L3MBTL4: variants seen among roughly 807,000 people sequenced by gnomAD.
L3MBTL4 encodes L3MBTL histone methyl-lysine binding protein 4, also known as lethal(3)malignant brain tumor-like protein 4.
Under a neutral mutation model 84.5 loss-of-function variants are expected in L3MBTL4, and 70 were observed. That is an observed-to-expected ratio of 0.83 (90% CI 0.68 to 1.01). The LOEUF (loss-of-function observed/expected upper bound fraction) is 1.01, where lower values mean the gene tolerates loss of function less well. Ranked by LOEUF, L3MBTL4 falls within the 50% of genes least tolerant of loss-of-function variation. L3MBTL4 has a pLI of 0.00. For synonymous variants in L3MBTL4, 274 were observed against 259.8 expected (o/e 1.05, Z -0.52); for missense variants, 715 against 754.8 (o/e 0.95, Z 0.62).
intron 15 of L3MBTL4, among the ~76,000 whole-genome samples, chr18:6,083,126 C>T (rs925903536): frequency 1.3e-5 from 2 of 152,146 alleles, no homozygotes; most frequent in African/African-American, 4.8e-5. Flanking sequence ...CTTTGGACTC[C>T]AAATCCAGGT....
intron 1 of L3MBTL4, among the ~76,000 whole-genome samples, chr18:6,387,294 A>G (rs2054864239): frequency 2.0e-5 from 3 of 152,198 alleles, no homozygotes; most frequent in Admixed American, 1.3e-4. Flanking sequence ...AAATGGTTAG[A>G]TTTGTGTTTC....
intron 16 of L3MBTL4, among the ~76,000 whole-genome samples, chr18:5,980,002 G>C (rs2053131010): frequency 6.6e-6 from 1 of 152,184 alleles, no homozygotes; most frequent in Admixed American, 6.5e-5. Flanking sequence ...CACCTCTCTG[G>C]GAAAACAGGG....
intron 14 of L3MBTL4, among the ~76,000 whole-genome samples, chr18:6,100,413 T>C (rs1380492643): frequency 6.6e-6 from 1 of 152,248 alleles, no homozygotes; most frequent in Non-Finnish European, 1.5e-5. Flanking sequence ...TTCATATTTA[T>C]TAAAATTGCT....
At chr18:6,007,574 G>A (rs1365169123) in intron 16 of L3MBTL4, among the ~76,000 whole-genome samples, 9 of 152,138 alleles carry the variant, frequency 5.9e-5, no homozygotes, top group Non-Finnish European at 1.0e-4. Flanking sequence ...TGTATATTCT[G>A]TTTCATTCTG....
chr18:6,219,023 T>G (rs542465288), intron 10 of L3MBTL4, among the ~76,000 whole-genome samples: 29 of 152,284 alleles, frequency 1.9e-4, no homozygotes, highest in Admixed American at 1.1e-3. Flanking sequence ...CACCTCTAAC[T>G]GGCTTCCATT....
At chr18:6,336,796 A>G (rs553861689) in intron 1 of L3MBTL4, among the ~76,000 whole-genome samples, 195 of 152,378 alleles carry the variant, frequency 1.3e-3, no homozygotes, top group African/African-American at 4.4e-3. Context: ...ATAAAAAATT[A>G]CAGGCGTAGT....
chr18:6,013,282 T>A (rs934291602), intron 16 of L3MBTL4, among the ~76,000 whole-genome samples: 1 of 152,172 alleles, frequency 6.6e-6, no homozygotes, highest in African/African-American at 2.4e-5. Flanking sequence ...AAGGGAAGAC[T>A]CACCCGCTCC....
At chr18:6,275,656 C>T (rs1435915097) in intron 4 of L3MBTL4, among the ~76,000 whole-genome samples, 1 of 152,164 alleles carries the variant, frequency 6.6e-6, no homozygotes, top group Non-Finnish European at 1.5e-5. Context: ...GGTACCTTCA[C>T]ATGTGGCAAA....
intron 13 of L3MBTL4, among the ~76,000 whole-genome samples, chr18:6,156,207 T>A (rs2144913948): frequency 6.6e-6 from 1 of 152,318 alleles, no homozygotes; most frequent in East Asian, 1.9e-4. Context: ...GACTTCTCTG[T>A]GAATATCTTC....
At chr18:6,190,016 C>T (rs544306235) in intron 12 of L3MBTL4, among the ~76,000 whole-genome samples, 1 of 152,170 alleles carries the variant, frequency 6.6e-6, no homozygotes, top group African/African-American at 2.4e-5. Context: ...TATCAACCCA[C>T]ATGTTCAAGA....
intron 16 of L3MBTL4, among the ~76,000 whole-genome samples, chr18:5,988,075 C>T (rs1051250970): frequency 5.3e-5 from 8 of 152,302 alleles, no homozygotes; most frequent in African/African-American, 1.9e-4. Flanking sequence ...TACTTAGGTG[C>T]TTGTCAGATC....
intron 17 of L3MBTL4, among the ~76,000 whole-genome samples, chr18:5,962,824 C>T (rs1242916098): frequency 1.3e-5 from 2 of 152,170 alleles, no homozygotes; most frequent in Non-Finnish European, 2.9e-5. Context: ...AGCCAAGTTC[C>T]TCAACCTCAA....
chr18:6,230,998 G>C (rs1485425434), intron 10 of L3MBTL4, among the ~76,000 whole-genome samples: 1 of 152,000 alleles, frequency 6.6e-6, no homozygotes, highest in Non-Finnish European at 1.5e-5. Context: ...TCAATGCATA[G>C]TTTGCAAATA....
chr18:6,080,930 A>G lies in L3MBTL4; in HGVS notation c.1395T>C (p.Cys465=). The G allele has an allele frequency of 6.2e-7, 1 of 1,607,250 alleles. No homozygotes were observed. Among genetic ancestry groups the G allele is most frequent in the Non-Finnish European group, 8.5e-7 (1 of 1,176,448 alleles). The change falls in exon 16 of 19, where the codon TGT becomes TGC. Residue 465 remains cysteine, a synonymous_variant. Coordinates refer to ENST00000317931, the MANE Select transcript of L3MBTL4 (RefSeq NM_001330559.2). ...TATCTTCTTTTCCTTTGATTTTCAA[A>G]CACTTTGCCTGCTGTACAAGTCTGG... The part of the protein sequence containing the change: ...SQPRLVQQAK[C]LKIKGKEDID...
rs552678507 is a variant in L3MBTL4 at position 6,191,971 on chromosome 18, T to C, written c.982-20029A>G. Reference sequence around the variant, plus strand: ...CACTACTGCACTGCAGCCTGGGTGATAGAGCGAGTATCCCTGTCCCCTCCT... The same window carrying C: ...CACTACTGCACTGCAGCCTGGGTGACAGAGCGAGTATCCCTGTCCCCTCCT... On this transcript the variant is annotated intron_variant, in intron 12 of 18. Coordinates refer to ENST00000317931, the MANE Select transcript of L3MBTL4 (RefSeq NM_001330559.2). 2.8e-5 allele frequency among the ~76,000 whole-genome samples: 4 copies of C among 144,890 alleles called. No individual in the cohort carries two copies. In the South Asian group the frequency reaches 8.7e-4, roughly 32 times the overall value.
At chr18:6,067,877 C>T (rs1251950969) in intron 16 of L3MBTL4, among the ~76,000 whole-genome samples, 1 of 152,116 alleles carries the variant, frequency 6.6e-6, no homozygotes, top group Non-Finnish European at 1.5e-5. Context: ...GTCATATTAC[C>T]AGAATTACTT....
chr18:6,237,956 C>T lies in L3MBTL4; in HGVS notation c.784+8G>A, dbSNP rs781541948. On this transcript the variant is annotated splice_region_variant and intron_variant, in intron 10 of 18. Transcript: ENST00000317931. Reference sequence around the variant, plus strand: ...TGACTTCAAAGAAAACCCAGGCAGTCCACTCACCTTGGGGTGCTATCAGAG... The same window carrying T: ...TGACTTCAAAGAAAACCCAGGCAGTTCACTCACCTTGGGGTGCTATCAGAG... 2 of 1,612,624 alleles carry T rather than the reference C, an allele frequency of 1.2e-6. No homozygotes were observed. The highest frequency in any genetic ancestry group is 4.5e-5 in the East Asian group (2 of 44,850).
At chr18:6,307,526 T>G (rs1286235541) in intron 3 of L3MBTL4, among the ~76,000 whole-genome samples, 1 of 152,148 alleles carries the variant, frequency 6.6e-6, no homozygotes, top group East Asian at 1.9e-4. Context: ...AACAATGCAT[T>G]CAAGGTAAAT....
intron 1 of L3MBTL4, among the ~76,000 whole-genome samples, chr18:6,364,780 A>G (rs1315682002): frequency 1.3e-5 from 2 of 152,128 alleles, no homozygotes; most frequent in Non-Finnish European, 2.9e-5. Flanking sequence ...CACGATGCCT[A>G]ATACTTTCAT....
Sources: allele counts gnomAD v4.1 joint callset (sites outside exome capture counted in the v4.1 genomes callset), GRCh38; gene constraint gnomAD v4.1.1; transcripts MANE v1.5; gene names NCBI Gene and HGNC (gene_info 2026-07-23, HGNC 2026-07-21).